Variants in ZNF354C observed in about 807,000 individuals in gnomAD.
ZNF354C encodes the protein zinc finger protein 354C.
A neutral mutation model predicts 12.4 loss-of-function variants in ZNF354C; 7 were observed. That is an observed-to-expected ratio of 0.56 (90% CI 0.32 to 1.06). The LOEUF is 1.06. ZNF354C is among the 50% of genes least tolerant of loss of function. The probability of loss-of-function intolerance (pLI) is 0.04; values close to 1 mark genes in which losing one functional copy is unlikely to be tolerated. For missense variants in ZNF354C, 609 were observed against 658.0 expected, an observed-to-expected ratio of 0.93 and a Z score of 0.81; for synonymous variants, 202 against 224.5, an observed-to-expected ratio of 0.90 and a Z score of 0.90.
intron 4 of ZNF354C, among the ~76,000 whole-genome samples, chr5:179,078,096 C>T (rs376445405): frequency 1.2e-4 from 18 of 152,262 alleles, no homozygotes; most frequent in African/African-American, 3.1e-4. Context: ...CCACCGCGCC[C>T]GGCCTGTCTT....
At chr5:179,066,352 C>T (rs1046394814) in intron 2 of ZNF354C, among the ~76,000 whole-genome samples, 1 of 152,232 alleles carries the variant, frequency 6.6e-6, no homozygotes, top group African/African-American at 2.4e-5. Context: ...TATCACCACC[C>T]AATACACTGT....
At chr5:179,075,723 C>A (rs1018603101) in intron 2 of ZNF354C, among the ~76,000 whole-genome samples, 6 of 152,102 alleles carry the variant, frequency 3.9e-5, no homozygotes, top group African/African-American at 1.2e-4. Flanking sequence ...TCATATGAAT[C>A]AATAATATAT....
At position 179,079,890 on chromosome 5, in the gene ZNF354C, T is replaced by C. The variant is rs1453137896; in HGVS notation, c.1458T>C (p.His486=). ...AFSQYSFLTE[H]ERIHTGEKLY... ...GCCAGTATTCATTTTTAACCGAACATGAGAGGATCCACACTGGAGAGAAAC... is the reference window on the plus strand; with the variant it reads ...GCCAGTATTCATTTTTAACCGAACACGAGAGGATCCACACTGGAGAGAAAC... The change falls in exon 5 of 5, where the codon CAT becomes CAC. Residue 486 remains histidine, a synonymous_variant. Transcript: ENST00000315475. This position sits in a 1 kb window ranked among gnomAD's most constrained non-coding sequence, Gnocchi z 4.2. The C allele has an allele frequency of 3.7e-6, 6 of 1,613,662 alleles. No individual in the cohort carries two copies. In the Admixed American group the frequency reaches 6.7e-5, roughly 18 times the overall value.
At chr5:179,078,124 TC>T (rs1278064008) in intron 4 of ZNF354C, among the ~76,000 whole-genome samples, 1 of 151,940 alleles carries the variant, frequency 6.6e-6, no homozygotes, top group Non-Finnish European at 1.5e-5. Context: ...ACAGACTGTT[TC>T]CCCCTTCACA....
intron 2 of ZNF354C, among the ~76,000 whole-genome samples, chr5:179,068,186 A>G (rs1051473354): frequency 2.8e-4 from 42 of 152,018 alleles, no homozygotes; most frequent in Admixed American, 5.9e-4. Flanking sequence ...AGATTTCTCT[A>G]TGTGGATGTG....
intron 4 of ZNF354C, among the ~76,000 whole-genome samples, 171 bp from the exon 5 acceptor site, chr5:179,078,512 T>C (rs1490765790): frequency 1.3e-5 from 2 of 152,246 alleles, no homozygotes; most frequent in Non-Finnish European, 2.9e-5. Context: ...TTAACCTGTT[T>C]ACCTCACTTT....
chr5:179,082,330 T>G lies in ZNF354C; in HGVS notation c.*2233T>G. ...CATCCTTGATGTACTGCCGAAAATG[T>G]TTACCTCAAATTTAATTAAATCTTT... On this transcript the variant is annotated 3_prime_UTR_variant, in exon 5 of 5. Coordinates refer to ENST00000315475, the MANE Select transcript of ZNF354C (RefSeq NM_014594.3). 1 of 209,030 alleles carries G rather than the reference T, an allele frequency of 4.8e-6. No homozygotes were observed. The highest frequency in any genetic ancestry group is 9.5e-6 in the Non-Finnish European group (1 of 105,352). The allele number at this position is 209,030 out of a possible 1,614,324, so 12.9% of individuals were successfully genotyped here.
chr5:179,070,268 C>T (rs1402981859), intron 2 of ZNF354C, among the ~76,000 whole-genome samples: 8 of 152,154 alleles, frequency 5.3e-5, no homozygotes, highest in Non-Finnish European at 1.2e-4. Context: ...GACCATTCCC[C>T]CAACCCTCCT....
rs1762250684 is a variant in ZNF354C, at chr5:179,083,054, G to T, written c.*2957G>T. On this transcript the variant is annotated 3_prime_UTR_variant, in exon 5 of 5. Transcript: ENST00000315475. ...CACATTCCACTGGCCCTACGCAGGG[G>T]TGTGATGTTGTAAGCCATAGTTTGT... 2.6e-6 allele frequency: 2 copies of T among 762,988 alleles called. No individual in the cohort carries two copies. Among genetic ancestry groups the T allele is most frequent in the Admixed American group, 2.4e-5 (1 of 41,756 alleles). The allele number at this position is 762,988 out of a possible 1,614,324, so 47.3% of individuals were successfully genotyped here. A position where few individuals can be genotyped will look rare whatever the true frequency, so the allele number is the denominator to read the frequency against.
chr5:179,062,035 G>T lies in ZNF354C; in HGVS notation c.-34G>T. The T allele has an allele frequency of 6.2e-7, 1 of 1,613,592 alleles. No individual in the cohort carries two copies. Among genetic ancestry groups the T allele is most frequent in the Non-Finnish European group, 8.5e-7 (1 of 1,179,574 alleles). ...TGCAGACCCACCGTGTCCACACTCT[G>T]CTCTCCCTGGGCAGGAAGACTGAGG... is the stretch of plus-strand genomic sequence containing the variant. On this transcript the variant is annotated 5_prime_UTR_variant, in exon 2 of 5. Transcript: ENST00000315475.
chr5:179,064,837 C>T (rs757919410), intron 2 of ZNF354C, among the ~76,000 whole-genome samples: 6 of 151,940 alleles, frequency 3.9e-5, no homozygotes, highest in African/African-American at 9.7e-5. Flanking sequence ...TTAAGGGTAC[C>T]GAGGGAGAAA....
chr5:179,068,994 G>C (rs996038333), intron 2 of ZNF354C, among the ~76,000 whole-genome samples: 1 of 152,178 alleles, frequency 6.6e-6, no homozygotes, highest in African/African-American at 2.4e-5. Flanking sequence ...TTAGGATCCA[G>C]CCTAAAGGCC....
Position 179,061,999 on chromosome 5 carries a change from C to G in ZNF354C, c.-54-16C>G. 2 of 1,572,572 alleles carry G rather than the reference C, an allele frequency of 1.3e-6. No individual in the cohort carries two copies. Among genetic ancestry groups the G allele is most frequent in the South Asian group, 1.1e-5 (1 of 90,256 alleles). On this transcript the variant is annotated splice_polypyrimidine_tract_variant and intron_variant, in intron 1 of 4. Transcript: ENST00000315475. Reference sequence around the variant, plus strand: ...CCTGACGCCAGGGTTCCTCTTGACACCTTTTTCCTCTGCAGACCCACCGTG... The same window carrying G: ...CCTGACGCCAGGGTTCCTCTTGACAGCTTTTTCCTCTGCAGACCCACCGTG...
In ZNF354C at chr5:179,079,947, C is replaced by T; in HGVS notation, c.1515C>T (p.Tyr505=). 1 of 1,614,074 alleles carries T rather than the reference C, an allele frequency of 6.2e-7. No homozygotes were observed. ...AATGTATGGAATGTGGGAAAGCCTA[C>T]AGTTACAGATCAAACCTTTGTAGAC... ...LYKCMECGKA[Y]SYRSNLCRHK... Residue 505 remains tyrosine (Y), a synonymous_variant, in exon 5 of 5, where the codon TAC becomes TAT. Transcript: ENST00000315475. This position sits in a 1 kb window ranked among gnomAD's most constrained non-coding sequence, Gnocchi z 4.2.
rs1442074046 is a variant in ZNF354C, at chr5:179,080,689, A to T, written c.*592A>T. 1 of 152,204 alleles carries T rather than the reference A, an allele frequency of 6.6e-6. No individual in the cohort carries two copies. The highest frequency in any genetic ancestry group is 2.4e-5 in the African/African-American group (1 of 41,456). 9.4% of individuals were successfully genotyped at this position (152,204 alleles called of 1,614,324 possible). On this transcript the variant is annotated 3_prime_UTR_variant, in exon 5 of 5. Coordinates refer to ENST00000315475, the MANE Select transcript of ZNF354C (RefSeq NM_014594.3). ...GTAAACATAAAAGTCCTTTATTATT[A>T]AAAAATGTAGTTTTATTGATTTAGA... is the stretch of plus-strand genomic sequence containing the variant.
intron 2 of ZNF354C, among the ~76,000 whole-genome samples, chr5:179,064,202 T>C (rs28553943): frequency 0.018 from 2,777 of 152,286 alleles, 87 homozygotes; most frequent in African/African-American, 0.062. Flanking sequence ...GGGTGACAGC[T>C]GATTCAATAT....
chr5:179,075,182 C>T (rs1349628128), intron 2 of ZNF354C, among the ~76,000 whole-genome samples: 3 of 151,986 alleles, frequency 2.0e-5, no homozygotes, highest in Non-Finnish European at 4.4e-5. Flanking sequence ...TGGTGTGAAC[C>T]CGGGAGGCAG....
chr5:179,073,866 A>T (rs2113118782), intron 2 of ZNF354C, among the ~76,000 whole-genome samples: 1 of 152,138 alleles, frequency 6.6e-6, no homozygotes, highest in East Asian at 1.9e-4. Flanking sequence ...CATGTTGCCC[A>T]GGCTGGTCTT....
chr5:179,076,397 G>T, intron 2 of ZNF354C, 48 bp from the exon 3 acceptor site: 1 of 1,610,024 alleles, frequency 6.2e-7, no homozygotes, highest in South Asian at 1.1e-5. Flanking sequence ...TGCATTTTCC[G>T]TTGAAGAAGA....
Sources: allele counts gnomAD v4.1 joint callset (sites outside exome capture counted in the v4.1 genomes callset), GRCh38; gene constraint gnomAD v4.1.1; non-coding constraint Gnocchi (gnomAD v3.1); transcripts MANE v1.5; gene names NCBI Gene and HGNC (gene_info 2026-07-23, HGNC 2026-07-21).